Variants in MEGF11 observed in about 807,000 individuals in gnomAD.
The protein encoded by MEGF11 is multiple EGF like domains 11, also known as multiple epidermal growth factor-like domains protein 11.
In MEGF11, 126 loss-of-function variants were observed where a neutral mutation model predicts 146.6. The ratio of observed to expected loss-of-function variants is 0.86; its 90% confidence interval spans 0.74 to 1.00. MEGF11 has a LOEUF of 1.00. Among genes scored for constraint, MEGF11 ranks in the 50% least tolerant of loss-of-function variants. The pLI, the probability that MEGF11 is intolerant of heterozygous loss-of-function variation, is 0.00. For missense variants in MEGF11, 1,509 were observed against 1,521.2 expected, an observed-to-expected ratio of 0.99 and a Z score of 0.13; for synonymous variants, 532 against 583.4, an observed-to-expected ratio of 0.91 and a Z score of 1.27.
chr15:66,182,758 C>A (rs2090586390), intron 1 of MEGF11, among the ~76,000 whole-genome samples: 1 of 152,174 alleles, frequency 6.6e-6, no homozygotes, highest in Admixed American at 6.5e-5. Flanking sequence ...TCTCCATGGT[C>A]TTTCCACTTG....
At chr15:66,124,602 A>G (rs980492048) in intron 2 of MEGF11, among the ~76,000 whole-genome samples, 2 of 152,216 alleles carry the variant, frequency 1.3e-5, no homozygotes, top group Non-Finnish European at 2.9e-5. Context: ...GAAACTGAGC[A>G]TCAGGGGGCA....
chr15:66,099,771 G>GC lies in MEGF11; in HGVS notation c.302-5278dup, dbSNP rs760920956. Among the ~76,000 whole-genome samples, 156 of 152,314 alleles carry GC rather than the reference G, an allele frequency of 1.0e-3. 1 individual carries two copies. The highest frequency in any genetic ancestry group is 2.0e-3 in the Non-Finnish European group (135 of 68,028). On this transcript the variant is annotated intron_variant, in intron 4 of 25. Coordinates refer to ENST00000395614, the MANE Select transcript of MEGF11 (RefSeq NM_001385028.1). ...CCTCTTCCCAGGACTGGGCTGGGGA[G>GC]CTGGGGTACCATGGCCCCTGAGCAT...
In MEGF11 at chr15:65,905,979, G is replaced by C. The variant is rs887531694; in HGVS notation, c.3055+106C>G. On this transcript the variant is annotated intron_variant, in intron 24 of 25. Transcript: ENST00000395614. ...GTGGTCTTTTAACCTTCTGTGGGGG[G>C]CAGGCACACACAGTTTGTCTCAAGT... 4.5e-6 allele frequency: 4 copies of C among 888,646 alleles called. No homozygotes were observed. In the African/African-American group the frequency reaches 6.7e-5, roughly 15 times the overall value. The allele number at this position is 888,646 out of a possible 1,614,324, so 55.0% of individuals were successfully genotyped here.
intron 5 of MEGF11, among the ~76,000 whole-genome samples, chr15:66,081,005 A>G (rs1011718822): frequency 6.6e-6 from 1 of 152,214 alleles, no homozygotes; most frequent in African/African-American, 2.4e-5. Flanking sequence ...CAGTGAAAAA[A>G]CAACTCGAGA....
At chr15:65,942,991 T>A (rs1037743082) in intron 10 of MEGF11, among the ~76,000 whole-genome samples, 1 of 128,528 alleles carries the variant, frequency 7.8e-6, no homozygotes, top group African/African-American at 2.6e-5. Flanking sequence ...TTTTTTTTTT[T>A]TTTTTTTTTT....
chr15:66,155,931 C>A (rs866132359), intron 1 of MEGF11, among the ~76,000 whole-genome samples: 26 of 152,296 alleles, frequency 1.7e-4, no homozygotes, highest in African/African-American at 5.5e-4. Context: ...GTGGTGGGAG[C>A]GGGTGATGGT....
At chr15:66,229,805 C>T (rs1051238235) in intron 1 of MEGF11, among the ~76,000 whole-genome samples, 3 of 152,030 alleles carry the variant, frequency 2.0e-5, no homozygotes, top group Non-Finnish European at 4.4e-5. Flanking sequence ...ACAGAGCTGG[C>T]CAAGATGGGA....
chr15:65,923,954 A>G (rs1027623500), intron 13 of MEGF11, among the ~76,000 whole-genome samples: 2 of 152,146 alleles, frequency 1.3e-5, no homozygotes, highest in Non-Finnish European at 2.9e-5. Context: ...TGAGCCCAGG[A>G]GATTGGCTTG....
chr15:65,951,234 G>A (rs2080389925), intron 10 of MEGF11, among the ~76,000 whole-genome samples: 1 of 152,220 alleles, frequency 6.6e-6, no homozygotes, highest in South Asian at 2.1e-4. Context: ...GGCTGAGAAG[G>A]ATTTTCATAG....
At chr15:66,226,961 C>T (rs1353897227) in intron 1 of MEGF11, among the ~76,000 whole-genome samples, 2 of 152,164 alleles carry the variant, frequency 1.3e-5, no homozygotes, top group East Asian at 1.9e-4. Context: ...ATGGTCTTCT[C>T]GTTTGCCAGG....
At chr15:66,037,759 T>C (rs998185450) in intron 5 of MEGF11, among the ~76,000 whole-genome samples, 4 of 152,348 alleles carry the variant, frequency 2.6e-5, no homozygotes, top group Middle Eastern at 3.4e-3. Flanking sequence ...AGGAAAGTCA[T>C]CTTCCTCCTC....
At chr15:66,195,577 T>C (rs890156132) in intron 1 of MEGF11, among the ~76,000 whole-genome samples, 6 of 152,184 alleles carry the variant, frequency 3.9e-5, no homozygotes, top group Admixed American at 1.3e-4. Flanking sequence ...AATACAGCTA[T>C]AGGCCAGCGC....
chr15:66,050,262 A>T (rs776164163), intron 5 of MEGF11, among the ~76,000 whole-genome samples: 16 of 138,356 alleles, frequency 1.2e-4, no homozygotes, highest in Non-Finnish European at 1.1e-4. Flanking sequence ...CAGAGGATAA[A>T]CAAAAGAACT....
intron 1 of MEGF11, among the ~76,000 whole-genome samples, chr15:66,203,888 T>G (rs11636681): frequency 6.6e-6 from 1 of 152,128 alleles, no homozygotes; most frequent in East Asian, 1.9e-4. Flanking sequence ...TAGGAAAATG[T>G]GGGGATTTTT....
At chr15:66,018,042 G>A (rs939470822) in intron 5 of MEGF11, among the ~76,000 whole-genome samples, 1 of 152,218 alleles carries the variant, frequency 6.6e-6, no homozygotes, top group African/African-American at 2.4e-5. Flanking sequence ...AATGTGAGAG[G>A]GAGCGGGGAG....
chr15:65,980,354 T>TA (rs2081589642), intron 7 of MEGF11, among the ~76,000 whole-genome samples: 1 of 146,096 alleles, frequency 6.8e-6, no homozygotes, highest in Admixed American at 6.9e-5. Context: ...CCTATGGCGA[T>TA]AAATAGGAGG....
chr15:65,999,213 A>G (rs1247213445), intron 5 of MEGF11, among the ~76,000 whole-genome samples: 1 of 151,524 alleles, frequency 6.6e-6, no homozygotes, highest in African/African-American at 2.4e-5. Flanking sequence ...TTTTAATTGT[A>G]GAGATGGGGT....
At chr15:65,918,398 G>A (rs1184040026) in intron 15 of MEGF11, among the ~76,000 whole-genome samples, 3 of 152,244 alleles carry the variant, frequency 2.0e-5, no homozygotes, top group African/African-American at 4.8e-5. Flanking sequence ...AGAAGTGGGA[G>A]GCTGAGCACT....
chr15:65,998,596 C>T (rs1038025236), intron 5 of MEGF11, among the ~76,000 whole-genome samples: 4 of 152,082 alleles, frequency 2.6e-5, no homozygotes, highest in African/African-American at 7.2e-5. Flanking sequence ...CTTTCTTACC[C>T]GTCACTAAAA....
Sources: gnomAD v4.1 joint callset for allele counts (sites outside exome capture counted in the v4.1 genomes callset) on GRCh38, gnomAD v4.1.1 for gene constraint, MANE v1.5 for transcripts, NCBI Gene and HGNC (gene_info 2026-07-23, HGNC 2026-07-21) for gene names.